Variants in ABCC1 observed in about 807,000 individuals in gnomAD.
The protein encoded by ABCC1 is ATP binding cassette subfamily C member 1 (ABCC1 blood group).
A neutral mutation model predicts 172.9 loss-of-function variants in ABCC1; 83 were observed. That is an observed-to-expected ratio of 0.48 (90% CI 0.40 to 0.58). ABCC1 has a LOEUF of 0.58. Ranked by LOEUF, ABCC1 falls within the 20% of genes least tolerant of loss-of-function variation. The probability of loss-of-function intolerance (pLI) is 0.00; values close to 1 mark genes in which losing one functional copy is unlikely to be tolerated. For synonymous variants in ABCC1, 937 were observed against 825.2 expected (o/e 1.14, Z -2.32); for missense variants, 1,817 against 2,002.7 (o/e 0.91, Z 1.77).
chr16:16,113,231 T>C (rs4780594), intron 22 of ABCC1, among the ~76,000 whole-genome samples: 8,247 of 152,094 alleles, frequency 0.054, 331 homozygotes, highest in Admixed American at 0.13. Context: ...CAAATTATAA[T>C]TGAGGGAAGG....
Position 16,034,580 on chromosome 16 carries a change from C to CTTT in ABCC1, c.677+1433_677+1435dup, listed in dbSNP as rs35163690. On this transcript the variant is annotated intron_variant, in intron 6 of 30. Coordinates refer to ENST00000399410, the MANE Select transcript of ABCC1 (RefSeq NM_004996.4). ...AAGGCATGTAGAGGCTGTATGTTAA[C>CTTT]TTTTTTTTTTTTTTTTTTTTTTTTT... 4.5e-3 allele frequency among the ~76,000 whole-genome samples: 377 copies of CTTT among 84,668 alleles called. 2 individuals carry two copies. The highest frequency in any genetic ancestry group is 0.011 in the Middle Eastern group (1 of 92). The allele number at this position is 84,668 out of a possible 152,430, so 55.5% of individuals were successfully genotyped here. A position where few individuals can be genotyped will look rare whatever the true frequency, so the allele number is the denominator to read the frequency against.
chr16:16,041,129 G>A (rs375372071), intron 7 of ABCC1, among the ~76,000 whole-genome samples: 5 of 131,534 alleles, frequency 3.8e-5, no homozygotes, highest in African/African-American at 5.9e-5. Context: ...ATGATATCTC[G>A]CCATGTTGCC....
At chr16:16,062,319 G>A (rs1315432758) in intron 12 of ABCC1, among the ~76,000 whole-genome samples, 2 of 152,146 alleles carry the variant, frequency 1.3e-5, no homozygotes, top group Admixed American at 1.3e-4. Context: ...CTTAAGAGCA[G>A]GACTGGCTTT....
At chr16:16,118,138 C>T (rs571160173) in intron 23 of ABCC1, among the ~76,000 whole-genome samples, 12 of 152,298 alleles carry the variant, frequency 7.9e-5, no homozygotes, top group South Asian at 6.2e-4. Flanking sequence ...CTGCTGTTAC[C>T]GCTAAAGGAT....
intron 5 of ABCC1, among the ~76,000 whole-genome samples, chr16:16,028,339 C>T (rs933716601): frequency 6.6e-6 from 1 of 152,166 alleles, no homozygotes; most frequent in African/African-American, 2.4e-5. Context: ...GGGCAGGGGT[C>T]TCGCTGTCTC....
At chr16:15,982,812 A>AAAAAAAG (rs2046654312) in intron 1 of ABCC1, among the ~76,000 whole-genome samples, 1 of 148,904 alleles carries the variant, frequency 6.7e-6, no homozygotes, top group African/African-American at 2.5e-5. Context: ...TCAAAAAAAA[A>AAAAAAAG]AAAAAAAAAA....
intron 6 of ABCC1, among the ~76,000 whole-genome samples, chr16:16,036,041 T>C (rs2048742428): frequency 6.6e-6 from 1 of 151,816 alleles, no homozygotes; most frequent in African/African-American, 2.4e-5. Flanking sequence ...GGAGAACCAC[T>C]CTAGACCGGG....
chr16:16,100,302 C>T (rs918076508), intron 19 of ABCC1, among the ~76,000 whole-genome samples: 31 of 152,060 alleles, frequency 2.0e-4, no homozygotes, highest in African/African-American at 6.3e-4. Flanking sequence ...CGCTCAGTGA[C>T]GAACAGGAGA....
intron 3 of ABCC1, 135 bp downstream of exon 3, chr16:16,010,036 C>G: frequency 1.7e-5 from 2 of 116,696 alleles, no homozygotes; most frequent in Non-Finnish European, 2.7e-5. Flanking sequence ...TTAAATGTAG[C>G]CTTTTTTTTT....
intron 1 of ABCC1, among the ~76,000 whole-genome samples, chr16:15,956,129 T>C (rs1467112930): frequency 6.6e-6 from 1 of 152,012 alleles, no homozygotes; most frequent in Non-Finnish European, 1.5e-5. Flanking sequence ...ATCTCAGCAC[T>C]TTGGGAGGCC....
chr16:16,083,677 ACGCT>A, intron 17 of ABCC1, 135 bp downstream of exon 17: 4 of 1,135,980 alleles, frequency 3.5e-6, no homozygotes, highest in Non-Finnish European at 5.0e-6. Flanking sequence ...GCTCTGCTGC[ACGCT>A]GCAGGCCAGC....
intron 14 of ABCC1, among the ~76,000 whole-genome samples, chr16:16,074,947 CTTTTT>C (rs71137910): frequency 3.9e-5 from 5 of 129,196 alleles, no homozygotes; most frequent in Non-Finnish European, 6.6e-5. Flanking sequence ...TTTTCTTTTT[CTTTTT>C]TTTTTTTTTT....
At chr16:16,115,766 A>G (rs1377782388) in intron 23 of ABCC1, among the ~76,000 whole-genome samples, 1 of 152,308 alleles carries the variant, frequency 6.6e-6, no homozygotes, top group African/African-American at 2.4e-5. Context: ...TTTCTCTGTC[A>G]TAATAGAAAT....
chr16:16,090,429 A>G lies in ABCC1; in HGVS notation c.2485A>G (p.Met829Val). The G allele has an allele frequency of 6.2e-7, 1 of 1,610,272 alleles. No individual in the cohort carries two copies. The highest frequency in any genetic ancestry group is 8.5e-7 in the Non-Finnish European group (1 of 1,177,726). Reference protein sequence around the residue: ...NKTRILVTHSMSYLPQVDVII... With the variant: ...NKTRILVTHSVSYLPQVDVII... Reference sequence around the variant, plus strand: ...GACGCGGATCTTGGTCACGCACAGCATGAGCTACTTGCCGCAGGTGGACGT... The same window carrying G: ...GACGCGGATCTTGGTCACGCACAGCGTGAGCTACTTGCCGCAGGTGGACGT... Residue 829 changes from methionine (M) to valine (V), a missense_variant, in exon 19 of 31, where the codon ATG (methionine) becomes GTG (valine). By Grantham distance (21) the Met-to-Val change is conservative. This residue lies in a region of ABCC1 where 1,412 missense variants were observed against 1,600.3 expected (regional missense o/e 0.88). Coordinates refer to ENST00000399410, the MANE Select transcript of ABCC1 (RefSeq NM_004996.4).
Position 16,044,596 on chromosome 16 carries a change from A to AGACC in ABCC1, c.957_960dup (p.Phe321AspfsTer36). On this transcript the variant is annotated frameshift_variant, in exon 8 of 31. Transcript: ENST00000399410. LOFTEE classifies it high-confidence loss of function. The stretch of plus-strand genomic sequence containing the variant: ...CCCTCTCTGTTTAAGGTGTTATACA[A>AGACC]GACCTTTGGGCCCTACTTCCTCATG... 6.2e-7 allele frequency: 1 copy of AGACC among 1,614,180 alleles called. No homozygotes were observed. Among genetic ancestry groups the AGACC allele is most frequent in the Non-Finnish European group, 8.5e-7 (1 of 1,180,028 alleles).
chr16:16,104,210 G>A lies in ABCC1; in HGVS notation c.2735+1493G>A, dbSNP rs117443101. ...TGAAACAATAAAGCTTCCACAGTTT[G>A]GAAGGGTACCCCAGTAGGTGGCCAC... On this transcript the variant is annotated intron_variant, in intron 20 of 30. Coordinates refer to ENST00000399410, the MANE Select transcript of ABCC1 (RefSeq NM_004996.4). Among the ~76,000 whole-genome samples, 1,514 of 152,258 alleles carry A rather than the reference G, an allele frequency of 9.9e-3. 12 individuals carry two copies. The highest frequency in any genetic ancestry group is 0.024 in the Middle Eastern group (7 of 294).
chr16:15,999,037 G>T (rs371229554), intron 1 of ABCC1, among the ~76,000 whole-genome samples: 4 of 152,092 alleles, frequency 2.6e-5, no homozygotes, highest in South Asian at 2.1e-4. Context: ...GTCTCGCTCT[G>T]TCTCCCAGGC....
intron 1 of ABCC1, among the ~76,000 whole-genome samples, chr16:15,976,840 G>T (rs1379072879): frequency 6.6e-6 from 1 of 152,154 alleles, no homozygotes; most frequent in African/African-American, 2.4e-5. Flanking sequence ...TTGACACACG[G>T]GAACTGAAAG....
intron 3 of ABCC1, among the ~76,000 whole-genome samples, chr16:16,014,275 G>A (rs1014639242): frequency 2.0e-5 from 3 of 152,106 alleles, no homozygotes; most frequent in East Asian, 1.9e-4. Flanking sequence ...GTGAAACCCC[G>A]TCTTTACTAA....
Sources: allele counts gnomAD v4.1 joint callset (sites outside exome capture counted in the v4.1 genomes callset), GRCh38; gene constraint gnomAD v4.1.1; regional missense constraint gnomAD v4.1.1; transcripts MANE v1.5; gene names NCBI Gene and HGNC (gene_info 2026-07-23, HGNC 2026-07-21).